Variants in BFAR observed in about 807,000 individuals in gnomAD.
The protein encoded by BFAR is bifunctional apoptosis regulator.
BFAR carries 52 observed loss-of-function variants against 54.4 expected under a neutral mutation model. The observed-to-expected ratio is 0.96, with a 90% CI of 0.77 to 1.21. The LOEUF is 1.21. BFAR is among the 50% of genes most tolerant of loss of function. The probability of loss-of-function intolerance (pLI) is 0.00; values close to 1 mark genes in which losing one functional copy is unlikely to be tolerated. For missense variants in BFAR, 571 were observed against 534.0 expected (o/e 1.07, Z -0.68); for synonymous variants, 215 against 204.3 (o/e 1.05, Z -0.45).
At chr16:14,643,272 C>T (rs951783133) in intron 1 of BFAR, among the ~76,000 whole-genome samples, 2 of 151,978 alleles carry the variant, frequency 1.3e-5, no homozygotes, top group South Asian at 2.1e-4. Flanking sequence ...ATCACACCAC[C>T]GCACTCCAGC....
chr16:14,640,313 G>A (rs556688587), intron 1 of BFAR, among the ~76,000 whole-genome samples: 5 of 152,264 alleles, frequency 3.3e-5, no homozygotes, highest in Non-Finnish European at 7.4e-5. Context: ...ATGAAAGCTC[G>A]GGGGTCAGGC....
At chr16:14,652,690 G>A (rs769617321) in intron 4 of BFAR, among the ~76,000 whole-genome samples, 1 of 152,010 alleles carries the variant, frequency 6.6e-6, no homozygotes, top group Non-Finnish European at 1.5e-5. Flanking sequence ...CACCTTTCCA[G>A]ATGTTTCAGT....
intron 5 of BFAR, among the ~76,000 whole-genome samples, chr16:14,660,271 A>G (rs1329313290): frequency 6.6e-6 from 1 of 152,138 alleles, no homozygotes; most frequent in Non-Finnish European, 1.5e-5. Context: ...TGATGCTACT[A>G]AGAATCAAAT....
rs971944144 is a variant in BFAR, at chr16:14,660,936, T to A, written c.784-956T>A. Among the ~76,000 whole-genome samples the A allele has an allele frequency of 1.0e-3, 154 of 151,656 alleles. 1 individual carries two copies. The highest frequency in any genetic ancestry group is 3.4e-3 in the African/African-American group (141 of 41,374). On this transcript the variant is annotated intron_variant, in intron 5 of 7. Transcript: ENST00000261658. Reference sequence around the variant, plus strand: ...AAAAATTAAGAGACTGGGTCTTGCTTTGTTGCTCAGGCTGGTCTTGAACTC... The same window carrying A: ...AAAAATTAAGAGACTGGGTCTTGCTATGTTGCTCAGGCTGGTCTTGAACTC...
chr16:14,658,056 C>T (rs1248746681), intron 5 of BFAR, among the ~76,000 whole-genome samples: 1 of 152,072 alleles, frequency 6.6e-6, no homozygotes, highest in African/African-American at 2.4e-5. Context: ...CATCTTGCAC[C>T]AGGAAAATTT....
At chr16:14,645,019 T>A (rs2151837480) in intron 2 of BFAR, among the ~76,000 whole-genome samples, 1 of 152,278 alleles carries the variant, frequency 6.6e-6, no homozygotes, top group East Asian at 1.9e-4. Context: ...TTGCTGGTAA[T>A]CCTGTCATAT....
chr16:14,635,931 ATGC>A (rs1162984743), intron 1 of BFAR, among the ~76,000 whole-genome samples: 1 of 152,126 alleles, frequency 6.6e-6, no homozygotes, highest in Non-Finnish European at 1.5e-5. Flanking sequence ...CCCCGGCCTA[ATGC>A]TTCTCTTATG....
At chr16:14,645,182 G>A (rs1959754628) in intron 2 of BFAR, among the ~76,000 whole-genome samples, 6 of 152,118 alleles carry the variant, frequency 3.9e-5, no homozygotes, top group Admixed American at 3.3e-4. Context: ...AGGTGTGGTG[G>A]TACATGCCTA....
intron 1 of BFAR, among the ~76,000 whole-genome samples, chr16:14,642,260 A>G (rs984261970): frequency 2.0e-5 from 3 of 152,166 alleles, no homozygotes; most frequent in Non-Finnish European, 2.9e-5. Context: ...ACACCATACA[A>G]ATTTTGAGCC....
intron 5 of BFAR, among the ~76,000 whole-genome samples, chr16:14,659,690 A>G (rs1457846098): frequency 1.3e-5 from 2 of 151,862 alleles, no homozygotes; most frequent in African/African-American, 2.4e-5. Context: ...AGCTGGGACT[A>G]CAGGCACCCG....
chr16:14,662,497 A>G (rs1251085400), intron 6 of BFAR, among the ~76,000 whole-genome samples: 2 of 152,122 alleles, frequency 1.3e-5, no homozygotes, highest in African/African-American at 4.8e-5. Context: ...CTGGCTGTGC[A>G]GAGACCCTGA....
intron 4 of BFAR, among the ~76,000 whole-genome samples, chr16:14,654,247 G>T (rs552756862): frequency 6.6e-6 from 1 of 151,736 alleles, no homozygotes; most frequent in African/African-American, 2.4e-5. Flanking sequence ...TCCTGACCTC[G>T]TGATCTGCCC....
chr16:14,641,123 C>T (rs1040956911), intron 1 of BFAR, among the ~76,000 whole-genome samples: 9 of 152,202 alleles, frequency 5.9e-5, no homozygotes, highest in Admixed American at 2.0e-4. Flanking sequence ...TATTGCTTCT[C>T]GCCCTTTTGG....
chr16:14,636,175 G>A (rs1226621475), intron 1 of BFAR, among the ~76,000 whole-genome samples: 1 of 152,202 alleles, frequency 6.6e-6, no homozygotes, highest in African/African-American at 2.4e-5. Context: ...CTCCACACCT[G>A]TGGGTGTTTC....
At chr16:14,652,769 G>A (rs571083902) in intron 4 of BFAR, among the ~76,000 whole-genome samples, 78 of 151,988 alleles carry the variant, frequency 5.1e-4, no homozygotes, top group African/African-American at 1.9e-3. Context: ...ACAGACATGT[G>A]TTTGTATGTA....
At chr16:14,643,677 G>C (rs1289059121) in intron 1 of BFAR, 1 of 152,208 alleles carries the variant, frequency 6.6e-6, no homozygotes, top group East Asian at 1.9e-4. Flanking sequence ...GGGTGAGGTG[G>C]AGGATCACCT....
intron 2 of BFAR, among the ~76,000 whole-genome samples, chr16:14,645,983 C>G (rs917812520): frequency 1.3e-5 from 2 of 152,164 alleles, no homozygotes; most frequent in African/African-American, 4.8e-5. Flanking sequence ...ATTCTCCTGC[C>G]TCAGCCTCTG....
intron 5 of BFAR, among the ~76,000 whole-genome samples, chr16:14,660,873 C>T (rs1960269537): frequency 6.6e-6 from 1 of 151,750 alleles, no homozygotes; most frequent in South Asian, 2.1e-4. Context: ...TGCACTCCAG[C>T]CTGGGCGACA....
At position 14,646,520 on chromosome 16, in the gene BFAR, T is replaced by TG. The variant is rs536896935; in HGVS notation, c.264-1866dup. Among the ~76,000 whole-genome samples the TG allele has an allele frequency of 1.1e-3, 168 of 147,406 alleles. 1 individual carries two copies. Among genetic ancestry groups the TG allele is most frequent in the South Asian group, 1.1e-3 (5 of 4,666 alleles). Reference sequence around the variant, plus strand: ...CAGCTAAAATTTTTTTTTTTTAAGATGGAGCTTCACCCTTGTTGCCCGGGC... The same window carrying TG: ...CAGCTAAAATTTTTTTTTTTTAAGATGGGAGCTTCACCCTTGTTGCCCGGGC... On this transcript the variant is annotated intron_variant, in intron 2 of 7. Transcript: ENST00000261658.
Sources: allele counts gnomAD v4.1 joint callset (sites outside exome capture counted in the v4.1 genomes callset), GRCh38; gene constraint gnomAD v4.1.1; transcripts MANE v1.5; gene names NCBI Gene and HGNC (gene_info 2026-07-23, HGNC 2026-07-21).